POPDC1: variants seen among roughly 807,000 people sequenced by gnomAD.
POPDC1 encodes the protein popeye domain cAMP effector 1.
chr6:105,097,043 T>C, the POPDC1 span: 1 of 152,592 alleles, frequency 6.6e-6, no homozygotes, highest in Non-Finnish European at 1.5e-5. Context: ...GAAAAACCTA[T>C]AAATAGTACT....
the POPDC1 span, chr6:105,115,832 A>G: frequency 6.2e-7 from 1 of 1,612,836 alleles, no homozygotes. Context: ...GGCTTTCTAC[A>G]AAGCAAAGTT....
chr6:105,116,884 G>T, the POPDC1 span: 11 of 1,607,696 alleles, frequency 6.8e-6, no homozygotes, highest in African/African-American at 1.3e-4. Flanking sequence ...AAAGAAACAA[G>T]CATGCAAAGA....
At chr6:105,115,837 A>C in the POPDC1 span, 3 of 1,612,558 alleles carry the variant, frequency 1.9e-6, no homozygotes, top group East Asian at 4.5e-5. Flanking sequence ...TCTACAAAGC[A>C]AAGTTTTAAG....
chr6:105,132,253 ACT>A, the POPDC1 span, among the ~76,000 whole-genome samples: 1 of 152,198 alleles, frequency 6.6e-6, no homozygotes, highest in Non-Finnish European at 1.5e-5. Flanking sequence ...GGCGTAAGCC[ACT>A]GTGTCCAGCC....
At chr6:105,122,282 C>G in the POPDC1 span, among the ~76,000 whole-genome samples, 2 of 152,168 alleles carry the variant, frequency 1.3e-5, no homozygotes, top group Admixed American at 1.3e-4. Flanking sequence ...CAGAGAAAAG[C>G]TGACTGGCAT....
At chr6:105,127,415 A>C in the POPDC1 span, among the ~76,000 whole-genome samples, 1 of 152,102 alleles carries the variant, frequency 6.6e-6, no homozygotes, top group Non-Finnish European at 1.5e-5. Context: ...TGATTTATTC[A>C]TGATCTGCTC....
chr6:105,123,672 G>A, the POPDC1 span, among the ~76,000 whole-genome samples: 1 of 152,238 alleles, frequency 6.6e-6, no homozygotes, highest in African/African-American at 2.4e-5. Flanking sequence ...AATTACAGGT[G>A]TGAGCCACCG....
At chr6:105,129,942 A>T in the POPDC1 span, among the ~76,000 whole-genome samples, 1 of 152,186 alleles carries the variant, frequency 6.6e-6, no homozygotes, top group Non-Finnish European at 1.5e-5. Flanking sequence ...TGTAAATCAA[A>T]CACATTTTAG....
chr6:105,103,993 T>C, the POPDC1 span, among the ~76,000 whole-genome samples: 1 of 152,188 alleles, frequency 6.6e-6, no homozygotes, highest in African/African-American at 2.4e-5. Context: ...ACTTACTATA[T>C]AACATTAAAA....
chr6:105,109,505 A>C, the POPDC1 span, among the ~76,000 whole-genome samples: 2 of 152,056 alleles, frequency 1.3e-5, no homozygotes, highest in Non-Finnish European at 2.9e-5. Flanking sequence ...TGGGAGGCCA[A>C]GACGGACAGA....
chr6:105,114,353 A>T, the POPDC1 span, among the ~76,000 whole-genome samples: 1 of 152,198 alleles, frequency 6.6e-6, no homozygotes, highest in Non-Finnish European at 1.5e-5. Flanking sequence ...GGTCCAGCCA[A>T]AAAACAACCC....
At chr6:105,131,790 C>G in the POPDC1 span, among the ~76,000 whole-genome samples, 1 of 151,976 alleles carries the variant, frequency 6.6e-6, no homozygotes, top group Admixed American at 6.6e-5. Context: ...ACCTCCAAAA[C>G]TCTGTCTTAA....
At chr6:105,126,265 GA>G in the POPDC1 span, among the ~76,000 whole-genome samples, 2 of 150,102 alleles carry the variant, frequency 1.3e-5, no homozygotes, top group Non-Finnish European at 3.0e-5. Context: ...AAGAAAGAAA[GA>G]AAAGAAAAGA....
the POPDC1 span, among the ~76,000 whole-genome samples, chr6:105,109,508 C>T: frequency 2.6e-5 from 4 of 151,786 alleles, no homozygotes; most frequent in Admixed American, 6.6e-5. Context: ...GAGGCCAAGA[C>T]GGACAGATCA....
At chr6:105,110,630 G>A in the POPDC1 span, among the ~76,000 whole-genome samples, 1 of 152,120 alleles carries the variant, frequency 6.6e-6, no homozygotes, top group Non-Finnish European at 1.5e-5. Flanking sequence ...CAGACTGCAA[G>A]CTAACTAAAT....
chr6:105,109,390 A>C, the POPDC1 span, among the ~76,000 whole-genome samples: 1 of 152,158 alleles, frequency 6.6e-6, no homozygotes, highest in African/African-American at 2.4e-5. Context: ...CAGAAAGTGG[A>C]GGGGAAGTTA....
the POPDC1 span, among the ~76,000 whole-genome samples, chr6:105,107,769 C>A: frequency 1.3e-5 from 2 of 151,996 alleles, no homozygotes; most frequent in African/African-American, 4.8e-5. Context: ...TTAGATTGTA[C>A]AATTTTTGAA....
At chr6:105,116,652 T>C in the POPDC1 span, 1 of 1,423,076 alleles carries the variant, frequency 7.0e-7, no homozygotes, top group Non-Finnish European at 9.5e-7. Flanking sequence ...AAGTGAAATA[T>C]ACCTCATATA....
the POPDC1 span, among the ~76,000 whole-genome samples, chr6:105,105,185 C>G: frequency 6.6e-6 from 1 of 152,186 alleles, no homozygotes; most frequent in East Asian, 1.9e-4. Context: ...GCAATCCCCC[C>G]CCAACTCCCT....
Sources: allele counts gnomAD v4.1 joint callset (sites outside exome capture counted in the v4.1 genomes callset), GRCh38; gene constraint gnomAD v4.1.1; transcripts MANE v1.5; gene names NCBI Gene and HGNC (gene_info 2026-07-23, HGNC 2026-07-21).